Variants in EYS observed in about 807,000 individuals in gnomAD.
EYS encodes EGF-like photoreceptor maintenance factor, also known as protein eyes shut homolog.
EYS carries 250 observed loss-of-function variants against 282.1 expected under a neutral mutation model. The observed-to-expected ratio is 0.89, with a 90% confidence interval of 0.80 to 0.98. The LOEUF is 0.98. Ranked by LOEUF, EYS falls within the 50% of genes least tolerant of loss-of-function variation. The pLI, the probability that EYS is intolerant of heterozygous loss-of-function variation, is 0.00. For synonymous variants in EYS, 1,355 were observed against 1,282.9 expected (o/e 1.06, Z -1.20); for missense variants, 4,016 against 3,709.0 (o/e 1.08, Z -2.15).
chr6:64,446,653 G>C (rs1188294903), intron 26 of EYS, among the ~76,000 whole-genome samples: 3 of 151,712 alleles, frequency 2.0e-5, no homozygotes, highest in Non-Finnish European at 4.4e-5. Flanking sequence ...CTATATACAA[G>C]ATTAAATGTG....
intron 31 of EYS, among the ~76,000 whole-genome samples, chr6:64,130,435 A>G (rs1253732399): frequency 6.6e-6 from 1 of 152,094 alleles, no homozygotes; most frequent in Non-Finnish European, 1.5e-5. Context: ...AACAATGAGA[A>G]CACATGGACA....
chr6:65,523,776 G>A (rs926425251), intron 2 of EYS, among the ~76,000 whole-genome samples: 1 of 152,168 alleles, frequency 6.6e-6, no homozygotes, highest in African/African-American at 2.4e-5. Flanking sequence ...TCTACGTTAT[G>A]AGAGAACAAG....
chr6:65,023,699 A>T (rs1238090560), intron 13 of EYS, among the ~76,000 whole-genome samples: 1 of 152,240 alleles, frequency 6.6e-6, no homozygotes, highest in African/African-American at 2.4e-5. Flanking sequence ...AATTTCTTCC[A>T]TAGACAGAGG....
At chr6:64,954,822 T>C (rs1372319755) in intron 14 of EYS, among the ~76,000 whole-genome samples, 1 of 151,960 alleles carries the variant, frequency 6.6e-6, no homozygotes, top group Non-Finnish European at 1.5e-5. Context: ...AATCAGTACA[T>C]ACAAAAATCA....
In EYS at chr6:65,445,790, T is replaced by C. The variant is rs543284380; in HGVS notation, c.863-40423A>G. Among the ~76,000 whole-genome samples, 9 of 151,978 alleles carry C rather than the reference T, an allele frequency of 5.9e-5. No individual in the cohort carries two copies. The East Asian group carries it at 1.7e-3, about 29-fold the overall frequency. On this transcript the variant is annotated intron_variant, in intron 5 of 42. Coordinates refer to ENST00000503581, the MANE Select transcript of EYS (RefSeq NM_001142800.2). ...TGAATTCAGTTCTACTTTATTGATG[T>C]TCTCTGAACTTCCTTTTTAAGAGTT...
At chr6:65,159,996 T>C (rs1764814789) in intron 12 of EYS, among the ~76,000 whole-genome samples, 2 of 151,054 alleles carry the variant, frequency 1.3e-5, no homozygotes, top group Admixed American at 6.6e-5. Flanking sequence ...TGAGTTACAA[T>C]GGGACGTCTA....
At chr6:63,851,702 GC>G (rs2149703266) in intron 36 of EYS, among the ~76,000 whole-genome samples, 1 of 152,264 alleles carries the variant, frequency 6.6e-6, no homozygotes, top group African/African-American at 2.4e-5. Context: ...AGCATTAAGT[GC>G]CCACATCAGA....
At chr6:64,746,452 A>T (rs184010398) in intron 22 of EYS, among the ~76,000 whole-genome samples, 1 of 152,080 alleles carries the variant, frequency 6.6e-6, no homozygotes, top group Admixed American at 6.5e-5. Context: ...GCCAATACAT[A>T]TATGTTCATT....
intron 29 of EYS, among the ~76,000 whole-genome samples, chr6:64,354,743 C>A (rs374305184): frequency 6.6e-6 from 1 of 151,340 alleles, no homozygotes; most frequent in Non-Finnish European, 1.5e-5. Flanking sequence ...TTACTAAATT[C>A]TATTAAAATG....
intron 36 of EYS, among the ~76,000 whole-genome samples, chr6:63,862,369 G>A (rs924271742): frequency 6.6e-6 from 1 of 151,938 alleles, no homozygotes; most frequent in East Asian, 1.9e-4. Flanking sequence ...TAAATGAATA[G>A]GATAATTATT....
chr6:65,421,341 CT>C (rs1288404774), intron 5 of EYS, among the ~76,000 whole-genome samples: 1 of 151,818 alleles, frequency 6.6e-6, no homozygotes, highest in Non-Finnish European at 1.5e-5. Context: ...TAGATTCAAA[CT>C]TTTCTTCTAT....
chr6:64,929,921 G>A (rs552282779), intron 15 of EYS, among the ~76,000 whole-genome samples: 66 of 151,984 alleles, frequency 4.3e-4, no homozygotes, highest in South Asian at 2.3e-3. Flanking sequence ...CATAAGTTAC[G>A]GAAAATATCT....
intron 22 of EYS, among the ~76,000 whole-genome samples, chr6:64,692,996 T>TTTTTTTTTTTTTTTTTTTTA (rs1770444517): frequency 1.5e-5 from 1 of 66,276 alleles, no homozygotes; most frequent in African/African-American, 4.4e-5. Flanking sequence ...TTTTTTTTTT[T>TTTTTTTTTTTTTTTTTTTTA]TTTGGTTCCA....
intron 28 of EYS, among the ~76,000 whole-genome samples, chr6:64,416,015 C>A (rs1369535695): frequency 2.0e-5 from 3 of 152,130 alleles, no homozygotes; most frequent in Non-Finnish European, 4.4e-5. Flanking sequence ...CTACTTTCAG[C>A]AAAGCTGCTC....
chr6:64,768,063 C>A (rs780400652), intron 22 of EYS, among the ~76,000 whole-genome samples: 1 of 151,672 alleles, frequency 6.6e-6, no homozygotes. Flanking sequence ...TAAATTATCA[C>A]CTGGAGCATT....
chr6:65,139,389 C>G (rs1764263440), intron 12 of EYS, among the ~76,000 whole-genome samples: 1 of 151,910 alleles, frequency 6.6e-6, no homozygotes, highest in African/African-American at 2.4e-5. Context: ...CAGTGAGTAC[C>G]TATAGACACA....
At chr6:63,846,347 A>C (rs528732658) in intron 36 of EYS, among the ~76,000 whole-genome samples, 1 of 152,104 alleles carries the variant, frequency 6.6e-6, no homozygotes, top group East Asian at 1.9e-4. Flanking sequence ...ACAGGGATAC[A>C]CTCCAACAAG....
At chr6:64,552,884 A>G (rs1392535954) in intron 26 of EYS, among the ~76,000 whole-genome samples, 2 of 151,076 alleles carry the variant, frequency 1.3e-5, no homozygotes, top group African/African-American at 4.9e-5. Flanking sequence ...ACGCCATTGC[A>G]CTCCAGCCTG....
chr6:64,549,321 T>A (rs926278543), intron 26 of EYS, among the ~76,000 whole-genome samples: 5 of 152,206 alleles, frequency 3.3e-5, no homozygotes, highest in African/African-American at 1.2e-4. Flanking sequence ...GGTACTGCTA[T>A]AATTATTTGT....
Sources: gnomAD v4.1 joint callset for allele counts (sites outside exome capture counted in the v4.1 genomes callset) on GRCh38, gnomAD v4.1.1 for gene constraint, MANE v1.5 for transcripts, NCBI Gene and HGNC (gene_info 2026-07-23, HGNC 2026-07-21) for gene names.